CAMK1D: variants seen among roughly 807,000 people sequenced by gnomAD.
CAMK1D encodes calcium/calmodulin-dependent protein kinase type 1D.
Under a neutral mutation model 47.7 loss-of-function variants are expected in CAMK1D, and 9 were observed. The observed-to-expected ratio is 0.19, with a 90% CI of 0.11 to 0.33. The LOEUF (loss-of-function observed/expected upper bound fraction) is 0.33. CAMK1D is among the 10% of genes least tolerant of loss of function. CAMK1D has a pLI of 1.00. For synonymous variants in CAMK1D, 184 were observed against 184.9 expected (o/e 0.99, Z 0.04); for missense variants, 291 against 488.7 (o/e 0.60, Z 3.81).
intron 1 of CAMK1D, among the ~76,000 whole-genome samples, chr10:12,387,398 T>TAA (rs1838545281): frequency 6.2e-5 from 2 of 32,118 alleles, no homozygotes; most frequent in African/African-American, 1.5e-4. Context: ...TATTATATAT[T>TAA]TTTATATATT....
At chr10:12,364,556 G>C (rs1037920317) in intron 1 of CAMK1D, among the ~76,000 whole-genome samples, 1 of 151,834 alleles carries the variant, frequency 6.6e-6, no homozygotes, top group Non-Finnish European at 1.5e-5. Flanking sequence ...ATTCTCATTT[G>C]ATCAGGCTGC....
chr10:12,442,995 TCTCA>T (rs1410874515), intron 1 of CAMK1D, among the ~76,000 whole-genome samples: 5 of 152,230 alleles, frequency 3.3e-5, no homozygotes, highest in African/African-American at 7.2e-5. Context: ...ACTTCTCTTC[TCTCA>T]CTATTTCTTT....
chr10:12,786,423 GACACAAAT>G (rs1311322010), intron 5 of CAMK1D, among the ~76,000 whole-genome samples: 3 of 152,140 alleles, frequency 2.0e-5, no homozygotes, highest in Non-Finnish European at 4.4e-5. Flanking sequence ...TCATATTCTT[GACACAAAT>G]ATGTAAATTT....
intron 1 of CAMK1D, among the ~76,000 whole-genome samples, chr10:12,479,124 GCTCCTGGCCCT>G (rs1191279363): frequency 6.6e-6 from 1 of 152,174 alleles, no homozygotes; most frequent in Admixed American, 6.5e-5. Context: ...TGTGAAAACG[GCTCCTGGCCCT>G]GCCCACGGCG....
At chr10:12,453,027 C>T (rs747326318) in intron 1 of CAMK1D, among the ~76,000 whole-genome samples, 4 of 152,100 alleles carry the variant, frequency 2.6e-5, no homozygotes, top group Non-Finnish European at 4.4e-5. Context: ...TCCCAGTCTA[C>T]GGCCAGCCCC....
intron 1 of CAMK1D, among the ~76,000 whole-genome samples, chr10:12,370,409 T>C (rs1837969685): frequency 6.6e-6 from 1 of 152,082 alleles, no homozygotes; most frequent in Non-Finnish European, 1.5e-5. Flanking sequence ...CTTCTACTTA[T>C]TAAAAAAAAA....
At chr10:12,715,718 A>G (rs1229741847) in intron 3 of CAMK1D, among the ~76,000 whole-genome samples, 1 of 129,328 alleles carries the variant, frequency 7.7e-6, no homozygotes, top group East Asian at 2.3e-4. Flanking sequence ...GTGGGATGGC[A>G]TTTGCCTTTT....
intron 1 of CAMK1D, among the ~76,000 whole-genome samples, chr10:12,461,497 T>C (rs1433823846): frequency 1.3e-5 from 2 of 152,046 alleles, no homozygotes; most frequent in South Asian, 2.1e-4. Context: ...GAGACTATCT[T>C]GGACAACATG....
intron 1 of CAMK1D, among the ~76,000 whole-genome samples, chr10:12,445,062 A>G (rs538237735): frequency 2.0e-5 from 3 of 152,378 alleles, no homozygotes; most frequent in Admixed American, 6.5e-5. Flanking sequence ...TATCTGTCAC[A>G]TGATGCTATA....
At chr10:12,493,668 A>C (rs1038650113) in intron 1 of CAMK1D, among the ~76,000 whole-genome samples, 2 of 151,728 alleles carry the variant, frequency 1.3e-5, no homozygotes, top group Non-Finnish European at 2.9e-5. Context: ...TAATTTTTGT[A>C]TTTTTAGTAG....
At position 12,615,465 on chromosome 10, in the gene CAMK1D, AGT is replaced by A. The variant is rs961966562; in HGVS notation, c.225-51265_225-51264del. ...GTGTGCATGTGTGTGTGTAGGTGTG[AGT>A]GTGTGCACGTGTGTAGGTGTGTGCA... On this transcript the variant is annotated intron_variant, in intron 2 of 10. Transcript: ENST00000619168. Among the ~76,000 whole-genome samples the A allele has an allele frequency of 4.4e-4, 65 of 147,386 alleles. 1 individual carries two copies. The highest frequency in any genetic ancestry group is 1.5e-3 in the African/African-American group (58 of 38,732).
At chr10:12,610,201 G>C (rs1392374577) in intron 2 of CAMK1D, among the ~76,000 whole-genome samples, 1 of 152,208 alleles carries the variant, frequency 6.6e-6, no homozygotes, top group African/African-American at 2.4e-5. Context: ...GGTTCCAGCT[G>C]TCTCCAGAGC....
At chr10:12,472,068 A>T (rs756323945) in intron 1 of CAMK1D, among the ~76,000 whole-genome samples, 5 of 151,966 alleles carry the variant, frequency 3.3e-5, no homozygotes, top group Non-Finnish European at 7.4e-5. Context: ...AAGAAAAAGA[A>T]AAAAGGAAAA....
intron 6 of CAMK1D, among the ~76,000 whole-genome samples, chr10:12,805,207 C>T (rs983500008): frequency 6.6e-5 from 10 of 150,538 alleles, no homozygotes; most frequent in Admixed American, 2.6e-4. Context: ...TGCAGTGAGC[C>T]GAGATTGCGC....
intron 2 of CAMK1D, among the ~76,000 whole-genome samples, chr10:12,576,212 T>A (rs1231434769): frequency 6.6e-6 from 1 of 152,194 alleles, no homozygotes; most frequent in Non-Finnish European, 1.5e-5. Context: ...AAGATATGAG[T>A]GCAGTGGTAT....
At chr10:12,544,460 A>G (rs1193914632) in intron 1 of CAMK1D, among the ~76,000 whole-genome samples, 1 of 152,256 alleles carries the variant, frequency 6.6e-6, no homozygotes, top group African/African-American at 2.4e-5. Context: ...GGGAGAAAAT[A>G]TCATAAATTA....
intron 3 of CAMK1D, among the ~76,000 whole-genome samples, chr10:12,718,006 A>C (rs1384609368): frequency 1.3e-5 from 2 of 152,156 alleles, no homozygotes; most frequent in Admixed American, 6.5e-5. Context: ...TAGACCTGAA[A>C]GGGCATATTT....
At chr10:12,370,471 G>A (rs551776344) in intron 1 of CAMK1D, among the ~76,000 whole-genome samples, 3 of 152,244 alleles carry the variant, frequency 2.0e-5, no homozygotes, top group East Asian at 1.9e-4. Context: ...TCCAGAAAGC[G>A]TTGTTATCGT....
intron 5 of CAMK1D, among the ~76,000 whole-genome samples, chr10:12,777,902 C>A (rs970804930): frequency 6.6e-5 from 10 of 152,190 alleles, no homozygotes; most frequent in Non-Finnish European, 1.3e-4. Context: ...AGGGCAGAGC[C>A]CAGCCCCATT....
Sources: allele counts gnomAD v4.1 joint callset (sites outside exome capture counted in the v4.1 genomes callset), GRCh38; gene constraint gnomAD v4.1.1; transcripts MANE v1.5; gene names NCBI Gene and HGNC (gene_info 2026-07-23, HGNC 2026-07-21).